C16orf46: variants seen among roughly 807,000 people sequenced by gnomAD.
The protein encoded by C16orf46 is uncharacterized protein C16orf46.
Under a neutral mutation model 5.5 loss-of-function variants are expected in C16orf46, and 7 were observed. That is an observed-to-expected ratio of 1.28 (90% CI 0.73 to 2.40). The LOEUF is 2.40. C16orf46 is among the 30% of genes most tolerant of loss of function. The pLI is 0.00. For synonymous variants in C16orf46, 200 were observed against 184.1 expected (o/e 1.09, Z -0.70); for missense variants, 614 against 476.0 (o/e 1.29, Z -2.70).
rs757385777 is a variant in C16orf46, at chr16:81,062,379, T to C, written c.211-241A>G. On this transcript the variant is annotated intron_variant, in intron 3 of 3. Transcript: ENST00000299578. ...ACCTACTTTCACCGCTATAAAGCAA[T>C]AACAGTATTTGTAATAGTATTTGTT... is the stretch of plus-strand genomic sequence containing the variant. Among the ~76,000 whole-genome samples, 31 of 152,154 alleles carry C rather than the reference T, an allele frequency of 2.0e-4. 1 individual carries two copies. The highest frequency in any genetic ancestry group is 6.5e-5 in the Admixed American group (1 of 15,272).
chr16:81,066,386 C>A (rs1185982284), intron 1 of C16orf46, 105 bp from the exon 2 acceptor site: 1 of 152,104 alleles, frequency 6.6e-6, no homozygotes, highest in East Asian at 1.9e-4. Context: ...GTCGCCCAGG[C>A]TGGAGTGCAG....
intron 1 of C16orf46, among the ~76,000 whole-genome samples, chr16:81,067,371 A>G (rs1472804382): frequency 6.6e-6 from 1 of 152,190 alleles, no homozygotes; most frequent in East Asian, 1.9e-4. Flanking sequence ...GTATGAGGAC[A>G]TGGGGATTAA....
At chr16:81,057,244 G>A (rs1471362779), downstream of C16orf46, among the ~76,000 whole-genome samples, 1 of 152,098 alleles carries the variant, frequency 6.6e-6, no homozygotes, top group Admixed American at 6.5e-5. Context: ...AAGAAGTTAT[G>A]TATATTGTTT....
In C16orf46 at chr16:81,062,121, C is replaced by A; in HGVS notation, c.228G>T (p.Arg76Ser). ...GCCAGATGCAGGCAGCTGGAGAAGTCCTTCCCCACCCTTGGACCTGCAAAT... is the reference window on the plus strand; with the variant it reads ...GCCAGATGCAGGCAGCTGGAGAAGTACTTCCCCACCCTTGGACCTGCAAAT... Reference protein sequence around the residue: ...GWEEAVQGWGRTSPAACIWPR... With the variant: ...GWEEAVQGWGSTSPAACIWPR... The change falls in exon 4 of 4, where the codon AGG becomes AGT. Residue 76 changes from arginine to serine, a missense_variant. By Grantham distance (110) the Arg-to-Ser change is moderately radical. Transcript: ENST00000299578. 6.3e-7 allele frequency: 1 copy of A among 1,589,930 alleles called. No individual in the cohort carries two copies. The highest frequency in any genetic ancestry group is 8.5e-7 in the Non-Finnish European group (1 of 1,173,084).
Position 81,064,241 on chromosome 16 carries a change from G to A in C16orf46, c.-38-248C>T, listed in dbSNP as rs545111972. On this transcript the variant is annotated intron_variant, in intron 2 of 3. Transcript: ENST00000299578. ...TCTACTAAAAATAAGGCGGGCACCT[G>A]TAATCCCAGCTACTCGGGAGGCTGA... Among the ~76,000 whole-genome samples, 4 of 152,034 alleles carry A rather than the reference G, an allele frequency of 2.6e-5. No homozygotes were observed. In the South Asian group the frequency reaches 8.3e-4, roughly 32 times the overall value.
chr16:81,063,778 CTT>C lies in C16orf46; in HGVS notation c.176_177del (p.Lys59ArgfsTer48), dbSNP rs1179604542. 4 of 1,613,964 alleles carry C rather than the reference CTT, an allele frequency of 2.5e-6. No individual in the cohort carries two copies. Among genetic ancestry groups the C allele is most frequent in the South Asian group, 1.1e-5 (1 of 91,064 alleles). ...TCCCATCCAGTTCCAATAATAAACT[CTT>C]TGGCTTTTTCATCTTGTTCAAGCGT... ...DITLEQDEKA[K>X]EFIIGTGWEE... On this transcript the variant is annotated frameshift_variant, in exon 3 of 4. Coordinates refer to ENST00000299578, the MANE Select transcript of C16orf46 (RefSeq NM_152337.3). LOFTEE classifies it low-confidence loss of function (END_TRUNC).
At chr16:81,071,101 C>T (rs368756187) in intron 1 of C16orf46, among the ~76,000 whole-genome samples, 52 of 152,080 alleles carry the variant, frequency 3.4e-4, no homozygotes, top group African/African-American at 1.1e-3. Context: ...AATCAGACAG[C>T]GGCGATATGG....
intron 1 of C16orf46, among the ~76,000 whole-genome samples, 182 bp from the exon 2 acceptor site, chr16:81,066,463 C>T (rs1019752376): frequency 1.3e-5 from 2 of 152,166 alleles, no homozygotes; most frequent in African/African-American, 2.4e-5. Flanking sequence ...CCTCAACCTC[C>T]CAGGTAGCTA....
downstream of C16orf46, among the ~76,000 whole-genome samples, chr16:81,059,949 C>T (rs766007660): frequency 8.6e-5 from 13 of 151,946 alleles, no homozygotes; most frequent in Non-Finnish European, 1.5e-4. Flanking sequence ...CCACCACGCC[C>T]GGCTAATTTT....
At position 81,062,112 on chromosome 16, in the gene C16orf46, T is replaced by C; in HGVS notation, c.237A>G (p.Pro79=). Residue 79 remains proline, a synonymous_variant, in exon 4 of 4, where the codon CCA becomes CCG. Transcript: ENST00000299578. ...TCTTCCTCGGCCAGATGCAGGCAGC[T>C]GGAGAAGTCCTTCCCCACCCTTGGA... ...EAVQGWGRTS[P]AACIWPRKIP... 2 of 1,598,478 alleles carry C rather than the reference T, an allele frequency of 1.3e-6. No homozygotes were observed. The highest frequency in any genetic ancestry group is 1.7e-6 in the Non-Finnish European group (2 of 1,176,894).
chr16:81,061,524 G>A lies in C16orf46; in HGVS notation c.825C>T (p.Val275=), dbSNP rs1971473974. The A allele has an allele frequency of 6.2e-7, 1 of 1,614,180 alleles. No individual in the cohort carries two copies. Among genetic ancestry groups the A allele is most frequent in the Non-Finnish European group, 8.5e-7 (1 of 1,180,038 alleles). Residue 275 remains valine, a synonymous_variant, in exon 4 of 4, where the codon GTC becomes GTT. Transcript: ENST00000299578. ...RASELAKHPM[V]NDTPSSPSPA... ...GGGAAGGGGAGGATGGCGTGTCGTTGACCATAGGGTGTTTGGCCAGCTCAC... is the reference window on the plus strand; with the variant it reads ...GGGAAGGGGAGGATGGCGTGTCGTTAACCATAGGGTGTTTGGCCAGCTCAC...
Position 81,061,972 on chromosome 16 carries a change from T to C in C16orf46, c.377A>G (p.Asp126Gly). The C allele has an allele frequency of 6.2e-7, 1 of 1,614,174 alleles. No individual in the cohort carries two copies. The highest frequency in any genetic ancestry group is 8.5e-7 in the Non-Finnish European group (1 of 1,180,032). Residue 126 changes from aspartate (D) to glycine (G), a missense_variant, in exon 4 of 4, where the codon GAT becomes GGT. Coordinates refer to ENST00000299578, the MANE Select transcript of C16orf46 (RefSeq NM_152337.3). The part of the protein sequence containing the change: ...KPPTEGGPEK[D>G]QSSPSQTQAA... ...CTGAGTCTGGGAGGGGCTGCTCTGA[T>C]CCTTCTCTGGGCCCCCCTCAGTAGG...
intron 1 of C16orf46, chr16:81,076,281 AAC>A (rs1972036655): frequency 6.6e-6 from 1 of 151,972 alleles, no homozygotes; most frequent in South Asian, 2.1e-4. Context: ...CGCATTTAGA[AAC>A]ACACTGGAAG....
chr16:81,070,460 C>T (rs1420330481), intron 1 of C16orf46, among the ~76,000 whole-genome samples: 3 of 152,024 alleles, frequency 2.0e-5, no homozygotes, highest in Admixed American at 6.6e-5. Flanking sequence ...TAGGTCAATG[C>T]GCCAGAATAA....
intron 3 of C16orf46, among the ~76,000 whole-genome samples, chr16:81,062,800 T>C (rs1304660144): frequency 1.3e-5 from 2 of 151,798 alleles, no homozygotes; most frequent in Non-Finnish European, 2.9e-5. Flanking sequence ...TGGACATACT[T>C]ATACTGATAA....
At chr16:81,064,772 G>T (rs1971600685) in intron 2 of C16orf46, among the ~76,000 whole-genome samples, 1 of 150,010 alleles carries the variant, frequency 6.7e-6, no homozygotes, top group Non-Finnish European at 1.5e-5. Context: ...AAGAAGATAT[G>T]AAGAGACATA....
Position 81,061,880 on chromosome 16 carries a change from G to C in C16orf46, c.469C>G (p.Arg157Gly), listed in dbSNP as rs145595395. The change falls in exon 4 of 4, where the codon CGA (arginine) becomes GGA (glycine). Residue 157 changes from arginine (R) to glycine (G), a missense_variant. By Grantham distance (125) the Arg-to-Gly change is moderately radical (BLOSUM62 -2). Transcript: ENST00000299578. ...ATTTGCAGACTTTTTTTCTCTGCTC[G>C]AAAGTAGGTGGGAAAGCAGATGTCG... is the stretch of plus-strand genomic sequence containing the variant. The part of the protein sequence containing the change: ...ISDICFPTYF[R>G]AEKKSLQIKE... The C allele has an allele frequency of 6.2e-7, 1 of 1,614,192 alleles. No individual in the cohort carries two copies.
In C16orf46 at chr16:81,061,073, G is replaced by A; in HGVS notation, c.*88C>T. ...ACGGGGAGGAGAGAAAGAGAGAGTG[G>A]GGGGTGGGTGGGAAATGAGAGAGAA... On this transcript the variant is annotated 3_prime_UTR_variant, in exon 4 of 4. Coordinates refer to ENST00000299578, the MANE Select transcript of C16orf46 (RefSeq NM_152337.3). 6.8e-7 allele frequency: 1 copy of A among 1,464,884 alleles called. No homozygotes were observed. The highest frequency in any genetic ancestry group is 9.1e-7 in the Non-Finnish European group (1 of 1,098,952). The allele number at this position is 1,464,884 out of a possible 1,614,324, so 90.7% of individuals were successfully genotyped here. A position where few individuals can be genotyped will look rare whatever the true frequency, so the allele number is the denominator to read the frequency against.
chr16:81,066,457 AAC>A (rs1491440154), intron 1 of C16orf46, among the ~76,000 whole-genome samples, 176 bp from the exon 2 acceptor site: 3 of 152,166 alleles, frequency 2.0e-5, no homozygotes, highest in African/African-American at 7.2e-5. Flanking sequence ...CTCCTGCCTC[AAC>A]CTCCCAGGTA....
Sources: allele counts gnomAD v4.1 joint callset (sites outside exome capture counted in the v4.1 genomes callset), GRCh38; gene constraint gnomAD v4.1.1; transcripts MANE v1.5; gene names NCBI Gene and HGNC (gene_info 2026-07-23, HGNC 2026-07-21).